TRIP12: variants seen among roughly 807,000 people sequenced by gnomAD.
The protein encoded by TRIP12 is E3 ubiquitin-protein ligase TRIP12.
A neutral mutation model predicts 244.2 loss-of-function variants in TRIP12; 25 were observed. The ratio of observed to expected loss-of-function variants is 0.10; its 90% CI spans 0.07 to 0.14. The LOEUF is 0.14. Among genes scored for constraint, TRIP12 ranks in the 10% least tolerant of loss-of-function variants. The probability of loss-of-function intolerance (pLI) is 1.00; values close to 1 mark genes in which losing one functional copy is unlikely to be tolerated. For synonymous variants in TRIP12, 905 were observed against 873.1 expected, an observed-to-expected ratio of 1.04 and a Z score of -0.64; for missense variants, 1,677 against 2,486.4, an observed-to-expected ratio of 0.67 and a Z score of 6.92.
chr2:229,817,995 C>CCCG (rs901322106), intron 9 of TRIP12, among the ~76,000 whole-genome samples: 1 of 152,076 alleles, frequency 6.6e-6, no homozygotes, highest in Non-Finnish European at 1.5e-5. Flanking sequence ...TTTCTGGCCC[C>CCCG]CCGACACAAC....
intron 1 of TRIP12, among the ~76,000 whole-genome samples, chr2:229,914,299 G>T (rs1054466013): frequency 6.6e-6 from 1 of 152,196 alleles, no homozygotes; most frequent in African/African-American, 2.4e-5. Context: ...ATGCTAAAAA[G>T]TTGCTGGGTG....
In TRIP12 at chr2:229,879,991, A is replaced by G. The variant is rs1576556074; in HGVS notation, c.89T>C (p.Ile30Thr). 1.2e-6 allele frequency: 2 copies of G among 1,613,840 alleles called. No individual in the cohort carries two copies. Among genetic ancestry groups the G allele is most frequent in the Non-Finnish European group, 1.7e-6 (2 of 1,179,980 alleles). ...TAGAQPQDDS[I>T]GGRSHLGQAK... ...ACCATGAAATACATACCTTCCTCCT[A>G]TTGAGTCGTCTTGTGGTTGGGCCCC... Residue 30 changes from isoleucine (I) to threonine (T), a missense_variant, in exon 2 of 42, where the codon ATA becomes ACA. Physicochemically the swap from Ile to Thr is moderately conservative, Grantham distance 89. Transcript: ENST00000675903.
intron 2 of TRIP12, among the ~76,000 whole-genome samples, chr2:229,870,031 T>C (rs1222812362): frequency 6.6e-6 from 1 of 152,180 alleles, no homozygotes; most frequent in Non-Finnish European, 1.5e-5. Context: ...GGCTTATCAC[T>C]GTGCTCAGAA....
intron 9 of TRIP12, among the ~76,000 whole-genome samples, chr2:229,818,049 C>A (rs2048950460): frequency 6.6e-6 from 1 of 151,902 alleles, no homozygotes; most frequent in South Asian, 2.1e-4. Context: ...GATCACCAGG[C>A]TAAAAGAAAA....
At chr2:229,888,598 T>C (rs1232050654) in intron 1 of TRIP12, among the ~76,000 whole-genome samples, 1 of 151,038 alleles carries the variant, frequency 6.6e-6, no homozygotes, top group Non-Finnish European at 1.5e-5. Context: ...ATTTAGAAAA[T>C]GGCGAGAGCA....
intron 2 of TRIP12, among the ~76,000 whole-genome samples, chr2:229,872,754 A>G (rs748143609): frequency 6.6e-6 from 1 of 152,252 alleles, no homozygotes; most frequent in African/African-American, 2.4e-5. Flanking sequence ...TGCACCTTCT[A>G]CAAACTCTTA....
chr2:229,899,844 G>A (rs2070110196), intron 1 of TRIP12, among the ~76,000 whole-genome samples: 1 of 152,162 alleles, frequency 6.6e-6, no homozygotes, highest in East Asian at 1.9e-4. Context: ...ACTGTGGATA[G>A]GTTTCAAAGG....
chr2:229,853,395 A>G (rs982825772), intron 4 of TRIP12, among the ~76,000 whole-genome samples: 1 of 152,200 alleles, frequency 6.6e-6, no homozygotes, highest in African/African-American at 2.4e-5. Flanking sequence ...GATGCATACA[A>G]AAGCCCTTTA....
At chr2:229,823,439 C>T (rs1306029491) in intron 8 of TRIP12, among the ~76,000 whole-genome samples, 1 of 151,750 alleles carries the variant, frequency 6.6e-6, no homozygotes, top group Non-Finnish European at 1.5e-5. Context: ...TTTGAGAGGC[C>T]GAGGTGGGGT....
intron 1 of TRIP12, among the ~76,000 whole-genome samples, chr2:229,880,959 A>G (rs979409775): frequency 2.0e-5 from 3 of 152,204 alleles, no homozygotes; most frequent in Admixed American, 2.0e-4. Flanking sequence ...TAAACAAAAC[A>G]AACAAAATTG....
At chr2:229,921,032 C>G (rs2154385109) in intron 1 of TRIP12, among the ~76,000 whole-genome samples, 1 of 152,116 alleles carries the variant, frequency 6.6e-6, no homozygotes, top group East Asian at 1.9e-4. Context: ...CTCCCTCCCC[C>G]AAGTCCTAGT....
chr2:229,905,825 CAATTAAGTTCT>C (rs2072586868), intron 1 of TRIP12, among the ~76,000 whole-genome samples: 1 of 152,084 alleles, frequency 6.6e-6, no homozygotes, highest in Non-Finnish European at 1.5e-5. Flanking sequence ...CTGCACAAAG[CAATTAAGTTCT>C]ATAAAAAGCA....
intron 18 of TRIP12, among the ~76,000 whole-genome samples, chr2:229,805,505 C>G (rs902693095): frequency 2.0e-5 from 3 of 152,050 alleles, no homozygotes; most frequent in African/African-American, 7.2e-5. Context: ...AATTCTGACT[C>G]GAATCTCAGG....
intron 1 of TRIP12, among the ~76,000 whole-genome samples, chr2:229,891,706 C>T (rs899814004): frequency 4.6e-5 from 7 of 152,190 alleles, no homozygotes; most frequent in African/African-American, 1.4e-4. Flanking sequence ...CACAGATTTA[C>T]GCTATTGTTT....
intron 15 of TRIP12, among the ~76,000 whole-genome samples, chr2:229,809,718 A>C (rs1370845023): frequency 6.6e-6 from 1 of 151,850 alleles, no homozygotes; most frequent in Non-Finnish European, 1.5e-5. Context: ...CACTCAAAAT[A>C]GGGTTGTCTG....
chr2:229,818,319 CAG>C (rs777642302), intron 9 of TRIP12, 43 bp downstream of exon 9: 1 of 1,595,596 alleles, frequency 6.3e-7, no homozygotes, highest in Non-Finnish European at 8.5e-7. Context: ...CGGCAGATTT[CAG>C]AGGACAAATG....
chr2:229,891,598 C>G (rs890582259), intron 1 of TRIP12, among the ~76,000 whole-genome samples: 1 of 151,482 alleles, frequency 6.6e-6, no homozygotes, highest in African/African-American at 2.4e-5. Context: ...GGAGACCCTG[C>G]GTCAAAACAA....
intron 6 of TRIP12, among the ~76,000 whole-genome samples, chr2:229,833,426 C>A (rs1215459942): frequency 6.6e-6 from 1 of 152,070 alleles, no homozygotes; most frequent in Non-Finnish European, 1.5e-5. Flanking sequence ...TAGCTGGTAC[C>A]ACAGGTACAT....
At chr2:229,770,844 G>C (rs753148557) in intron 39 of TRIP12, among the ~76,000 whole-genome samples, 3 of 152,130 alleles carry the variant, frequency 2.0e-5, no homozygotes, top group African/African-American at 7.2e-5. Flanking sequence ...ACAAGCTCTC[G>C]TCTTGTCTGC....
Sources: gnomAD v4.1 joint callset for allele counts (sites outside exome capture counted in the v4.1 genomes callset) on GRCh38, gnomAD v4.1.1 for gene constraint, MANE v1.5 for transcripts, NCBI Gene and HGNC (gene_info 2026-07-23, HGNC 2026-07-21) for gene names.